Variants in SHANK2 observed in about 807,000 individuals in gnomAD.
SHANK2 encodes the protein SH3 and multiple ankyrin repeat domains 2, also known as SH3 and multiple ankyrin repeat domains protein 2.
A neutral mutation model predicts 133.7 loss-of-function variants in SHANK2; 43 were observed. That is an observed-to-expected ratio of 0.32 (90% confidence interval 0.25 to 0.41). SHANK2 has a LOEUF of 0.41. Ranked by LOEUF, SHANK2 falls within the 10% of genes least tolerant of loss-of-function variation. The pLI, the probability that SHANK2 is intolerant of heterozygous loss-of-function variation, is 1.00. For synonymous variants in SHANK2, 1,017 were observed against 952.8 expected, an observed-to-expected ratio of 1.07 and a Z score of -1.24; for missense variants, 1,994 against 2,235.8, an observed-to-expected ratio of 0.89 and a Z score of 2.18.
At chr11:71,152,640 C>T (rs540648345) in intron 2 of SHANK2, among the ~76,000 whole-genome samples, 8 of 152,298 alleles carry the variant, frequency 5.3e-5, no homozygotes, top group African/African-American at 1.7e-4. Context: ...GGCACATCTG[C>T]TCCCAAACCA....
At chr11:71,067,966 C>A (rs1471402575) in intron 9 of SHANK2, among the ~76,000 whole-genome samples, 1 of 151,934 alleles carries the variant, frequency 6.6e-6, no homozygotes, top group Non-Finnish European at 1.5e-5. Context: ...TCACCACCAT[C>A]CTCACCACCA....
chr11:70,817,215 C>A (rs974524121), intron 12 of SHANK2, among the ~76,000 whole-genome samples: 2 of 152,188 alleles, frequency 1.3e-5, no homozygotes, highest in South Asian at 4.1e-4. Context: ...TAGGAGGGGA[C>A]GTCAGTGCCA....
chr11:71,130,003 C>A (rs2135323707), intron 3 of SHANK2, among the ~76,000 whole-genome samples: 1 of 152,306 alleles, frequency 6.6e-6, no homozygotes, highest in South Asian at 2.1e-4. Context: ...TCTGTGTCCC[C>A]AGGTGGTTGT....
chr11:70,844,112 C>T (rs577120349), intron 11 of SHANK2, among the ~76,000 whole-genome samples: 5 of 152,318 alleles, frequency 3.3e-5, no homozygotes, highest in South Asian at 4.1e-4. Context: ...TCCATCCACA[C>T]ACACCCAGCC....
chr11:70,572,345 A>C (rs573141697), intron 17 of SHANK2, among the ~76,000 whole-genome samples: 17 of 152,182 alleles, frequency 1.1e-4, no homozygotes, highest in Admixed American at 7.9e-4. Flanking sequence ...TTTTTAGTAG[A>C]GATGGGGTTT....
In SHANK2 at chr11:70,490,300, T is replaced by C. The variant is rs1344861915; in HGVS notation, c.2527A>G (p.Thr843Ala). ...KAPFLGIPRG[T>A]MRRQKSIDSR... ...CCTATTGATTTCTGCCTTCGCATCG[T>C]ACCTCGAGGGATGCCCAGAAACGGG... Residue 843 changes from threonine to alanine, a missense_variant, in exon 23 of 26, where the codon ACG becomes GCG. Transcript: ENST00000601538. The C allele has an allele frequency of 6.2e-7, 1 of 1,614,056 alleles. No individual in the cohort carries two copies. Among genetic ancestry groups the C allele is most frequent in the Non-Finnish European group, 8.5e-7 (1 of 1,180,000 alleles).
intron 11 of SHANK2, among the ~76,000 whole-genome samples, chr11:70,886,941 G>A (rs1949756214): frequency 6.6e-6 from 1 of 152,038 alleles, no homozygotes. Flanking sequence ...CCATAGCTGC[G>A]GAAGGACAAG....
At chr11:71,154,577 G>C (rs1422090159) in intron 2 of SHANK2, among the ~76,000 whole-genome samples, 1 of 152,232 alleles carries the variant, frequency 6.6e-6, no homozygotes, top group African/African-American at 2.4e-5. Context: ...CTGGCCAAGG[G>C]GGTGGACTGC....
intron 17 of SHANK2, among the ~76,000 whole-genome samples, chr11:70,546,207 G>A (rs1554976397): frequency 6.7e-6 from 1 of 149,714 alleles, no homozygotes; most frequent in East Asian, 1.9e-4. Context: ...CCAAAGTGCT[G>A]GAATCACAGG....
intron 2 of SHANK2, among the ~76,000 whole-genome samples, chr11:71,189,282 C>T (rs563918575): frequency 1.3e-5 from 2 of 152,360 alleles, no homozygotes; most frequent in East Asian, 3.9e-4. Flanking sequence ...CTGTTCAGGG[C>T]TTATTCCAGT....
chr11:70,701,655 C>T (rs1236623224), intron 14 of SHANK2, among the ~76,000 whole-genome samples: 13 of 152,206 alleles, frequency 8.5e-5, no homozygotes, highest in Middle Eastern at 3.4e-3. Flanking sequence ...CCACCTGCCT[C>T]GGCCTCCCAA....
At chr11:70,771,346 C>A (rs1947246042) in intron 14 of SHANK2, among the ~76,000 whole-genome samples, 1 of 152,178 alleles carries the variant, frequency 6.6e-6, no homozygotes, top group Non-Finnish European at 1.5e-5. Context: ...CACAAGTGAC[C>A]AGCACACAGA....
chr11:70,495,240 C>T (rs1555156836), intron 21 of SHANK2, among the ~76,000 whole-genome samples: 1 of 152,196 alleles, frequency 6.6e-6, no homozygotes, highest in East Asian at 1.9e-4. Flanking sequence ...GGGCTGGGTC[C>T]ACCTGCCATG....
chr11:70,662,592 G>A (rs994515949), intron 15 of SHANK2, among the ~76,000 whole-genome samples: 9 of 152,224 alleles, frequency 5.9e-5, no homozygotes, highest in Admixed American at 4.6e-4. Context: ...CCCCTCTGGG[G>A]ATGATGAATT....
chr11:70,559,047 CTCTT>C (rs1565129459), intron 17 of SHANK2, among the ~76,000 whole-genome samples: 1 of 152,156 alleles, frequency 6.6e-6, no homozygotes, highest in Non-Finnish European at 1.5e-5. Context: ...AAGATGGAGA[CTCTT>C]TCTGTCATCC....
chr11:70,698,695 T>A lies in SHANK2; in HGVS notation c.1846A>T (p.Thr616Ser). The change falls in exon 15 of 26, where the codon ACT becomes TCT. Residue 616 changes from threonine (T) to serine (S), a missense_variant. Coordinates refer to ENST00000601538, the MANE Select transcript of SHANK2 (RefSeq NM_012309.5). ...GAAAGCAGCGCGTCTTACCTGGAAG[T>A]GTCGAAGCTGTCATAGGAGCCCACG... ...YTVGSYDSFD[T>S]SSDCIIEEKT... 1.4e-6 allele frequency: 1 copy of A among 718,626 alleles called. No homozygotes were observed. The highest frequency in any genetic ancestry group is 2.6e-6 in the Non-Finnish European group (1 of 385,098). 44.5% of individuals were successfully genotyped at this position (718,626 alleles called of 1,614,324 possible).
chr11:70,840,904 G>C lies in SHANK2; in HGVS notation c.1175-20222C>G, dbSNP rs1197183477. On this transcript the variant is annotated intron_variant, in intron 11 of 25. Coordinates refer to ENST00000601538, the MANE Select transcript of SHANK2 (RefSeq NM_012309.5). The stretch of plus-strand genomic sequence containing the variant: ...CAAGACTTGACTGTGTTTCACTGGA[G>C]CTTGATAAGACTTCACCTGAGAAAC... Among the ~76,000 whole-genome samples the C allele has an allele frequency of 2.0e-5, 3 of 152,184 alleles. No individual in the cohort carries two copies. The East Asian group carries it at 5.8e-4, about 29-fold the overall frequency.
intron 14 of SHANK2, among the ~76,000 whole-genome samples, chr11:70,761,437 AG>A (rs1410898311): frequency 1.4e-4 from 21 of 152,304 alleles, no homozygotes; most frequent in Non-Finnish European, 1.9e-4. Context: ...TTGTTTCAGC[AG>A]CCTGAGCTGA....
At chr11:71,204,401 C>T (rs1223327331) in intron 2 of SHANK2, among the ~76,000 whole-genome samples, 1 of 152,086 alleles carries the variant, frequency 6.6e-6, no homozygotes, top group African/African-American at 2.4e-5. Flanking sequence ...CAGCGCACCT[C>T]CCATCTGCGC....
Sources: allele counts gnomAD v4.1 joint callset (sites outside exome capture counted in the v4.1 genomes callset), GRCh38; gene constraint gnomAD v4.1.1; transcripts MANE v1.5; gene names NCBI Gene and HGNC (gene_info 2026-07-23, HGNC 2026-07-21).